Variants in ERBB4 observed in about 807,000 individuals in gnomAD.
The protein encoded by ERBB4 is receptor tyrosine-protein kinase erbB-4.
ERBB4 carries 42 observed loss-of-function variants against 158.0 expected under a neutral mutation model. That is an observed-to-expected ratio of 0.27 (90% CI 0.21 to 0.34). The LOEUF is 0.34. Ranked by LOEUF, ERBB4 falls within the 10% of genes least tolerant of loss-of-function variation. ERBB4 has a pLI of 1.00. For missense variants in ERBB4, 1,333 were observed against 1,624.1 expected, an observed-to-expected ratio of 0.82 and a Z score of 3.08; for synonymous variants, 583 against 558.7, an observed-to-expected ratio of 1.04 and a Z score of -0.61.
chr2:212,127,004 G>C (rs1174512386), intron 1 of ERBB4, among the ~76,000 whole-genome samples: 1 of 152,122 alleles, frequency 6.6e-6, no homozygotes, highest in Admixed American at 6.5e-5. Context: ...TTAAAGTCTG[G>C]ATTTCTAAAG....
At position 212,119,818 on chromosome 2, in the gene ERBB4, G is replaced by A. The variant is rs539111567; in HGVS notation, c.234+4934C>T. Among the ~76,000 whole-genome samples, 13 of 152,222 alleles carry A rather than the reference G, an allele frequency of 8.5e-5. No individual in the cohort carries two copies. The East Asian group carries it at 2.3e-3, about 27-fold the overall frequency. On this transcript the variant is annotated intron_variant, in intron 2 of 27. Coordinates refer to ENST00000342788, the MANE Select transcript of ERBB4 (RefSeq NM_005235.3). Reference sequence around the variant, plus strand: ...GTAATAAAAGCGTCTTGAAAAGAATGCATTTAAAAGCATTTCAACAAAATG... The same window carrying A: ...GTAATAAAAGCGTCTTGAAAAGAATACATTTAAAAGCATTTCAACAAAATG...
intron 19 of ERBB4, among the ~76,000 whole-genome samples, chr2:211,578,137 C>T (rs2067949680): frequency 6.6e-6 from 1 of 152,078 alleles, no homozygotes; most frequent in Non-Finnish European, 1.5e-5. Context: ...GCAAAAGTCA[C>T]AAGCACTCCT....
In ERBB4 at chr2:211,954,678, C is replaced by CT. The variant is rs202065351; in HGVS notation, c.235-7063dup. ...TAAGAGGGGGGGTAATAGAAAGTCC[C>CT]TTCTGCTGGTAATGACTGCAGAATT... On this transcript the variant is annotated intron_variant, in intron 2 of 27. Coordinates refer to ENST00000342788, the MANE Select transcript of ERBB4 (RefSeq NM_005235.3). Among the ~76,000 whole-genome samples, 3 of 152,028 alleles carry CT rather than the reference C, an allele frequency of 2.0e-5. 1 individual carries two copies. In the East Asian group the frequency reaches 5.8e-4, roughly 29 times the overall value.
intron 1 of ERBB4, among the ~76,000 whole-genome samples, chr2:212,291,954 T>A (rs1264431718): frequency 6.6e-6 from 1 of 152,032 alleles, no homozygotes; most frequent in Non-Finnish European, 1.5e-5. Context: ...TTACAATTAA[T>A]CATTACACTA....
At chr2:211,617,814 G>C (rs1295585186) in intron 19 of ERBB4, among the ~76,000 whole-genome samples, 1 of 151,974 alleles carries the variant, frequency 6.6e-6, no homozygotes, top group African/African-American at 2.4e-5. Context: ...GCATATGCTT[G>C]CATCATTTTT....
intron 11 of ERBB4, among the ~76,000 whole-genome samples, chr2:211,703,118 G>GGTGT (rs151014708): frequency 6.6e-6 from 1 of 151,170 alleles, no homozygotes; most frequent in African/African-American, 2.4e-5. Flanking sequence ...TGGTTGTCAG[G>GGTGT]GTGTGTGTGT....
At chr2:211,976,801 A>C (rs2081621146) in intron 2 of ERBB4, among the ~76,000 whole-genome samples, 1 of 152,202 alleles carries the variant, frequency 6.6e-6, no homozygotes, top group Non-Finnish European at 1.5e-5. Context: ...GCTAAGCTAA[A>C]AAGAATTTAA....
intron 1 of ERBB4, among the ~76,000 whole-genome samples, chr2:212,431,994 C>T (rs1505367): frequency 0.17 from 25,492 of 152,210 alleles, 2,465 homozygotes; most frequent in Non-Finnish European, 0.22. Flanking sequence ...AATATAATCT[C>T]TACCAAATCA....
chr2:212,246,233 G>C (rs181426644), intron 1 of ERBB4, among the ~76,000 whole-genome samples: 1 of 152,176 alleles, frequency 6.6e-6, no homozygotes, highest in African/African-American at 2.4e-5. Context: ...ATGCTAATAA[G>C]ACTTTCAGCA....
chr2:211,886,340 T>A (rs570704074), intron 3 of ERBB4, among the ~76,000 whole-genome samples: 10 of 152,180 alleles, frequency 6.6e-5, no homozygotes, highest in Admixed American at 1.3e-4. Flanking sequence ...CAGAAGAACA[T>A]AAATTTGGTT....
chr2:211,503,064 T>C (rs942601481), intron 20 of ERBB4, among the ~76,000 whole-genome samples: 7 of 152,084 alleles, frequency 4.6e-5, no homozygotes, highest in African/African-American at 7.2e-5. Flanking sequence ...AGACTAGACC[T>C]GAGGAATGGA....
At chr2:211,782,367 A>C (rs1192653958) in intron 4 of ERBB4, among the ~76,000 whole-genome samples, 10 of 152,314 alleles carry the variant, frequency 6.6e-5, no homozygotes, top group African/African-American at 2.2e-4. Context: ...AGTGATTAAA[A>C]GCTTGACTGT....
chr2:211,485,278 G>A (rs560905006), intron 20 of ERBB4, among the ~76,000 whole-genome samples: 41 of 152,138 alleles, frequency 2.7e-4, no homozygotes, highest in Non-Finnish European at 5.6e-4. Context: ...AACACAGAAA[G>A]GCATACATAA....
intron 1 of ERBB4, among the ~76,000 whole-genome samples, chr2:212,408,786 C>T (rs2091419783): frequency 6.6e-6 from 1 of 152,138 alleles, no homozygotes; most frequent in Admixed American, 6.6e-5. Context: ...CAGTATGCAG[C>T]ACAGATTGGG....
intron 20 of ERBB4, among the ~76,000 whole-genome samples, chr2:211,436,435 ACTCT>A (rs376045173): frequency 1.3e-4 from 19 of 151,590 alleles, no homozygotes; most frequent in African/African-American, 3.6e-4. Flanking sequence ...AAACTTATTT[ACTCT>A]CTCTGTCATC....
At chr2:211,704,243 A>T in intron 10 of ERBB4, 49 bp from the exon 11 acceptor site, 1 of 1,138,868 alleles carries the variant, frequency 8.8e-7, no homozygotes, top group South Asian at 1.2e-5. Context: ...TTGTCTTAGT[A>T]TTAGTGCTGA....
chr2:211,508,733 T>A (rs1463735412), intron 20 of ERBB4, among the ~76,000 whole-genome samples: 2 of 152,114 alleles, frequency 1.3e-5, no homozygotes, highest in Non-Finnish European at 2.9e-5. Context: ...CTATTTACAA[T>A]TGCAAAGACT....
chr2:211,721,219 G>A (rs2074078854), intron 7 of ERBB4, among the ~76,000 whole-genome samples: 1 of 152,066 alleles, frequency 6.6e-6, no homozygotes, highest in Non-Finnish European at 1.5e-5. Context: ...GTGACAACAT[G>A]TCAGCACTCT....
At chr2:211,632,235 A>C (rs772833728) in intron 16 of ERBB4, among the ~76,000 whole-genome samples, 2 of 152,084 alleles carry the variant, frequency 1.3e-5, no homozygotes, top group Non-Finnish European at 2.9e-5. Flanking sequence ...ATAGTATGGA[A>C]AAAAATTCTT....
Sources: allele counts gnomAD v4.1 joint callset (sites outside exome capture counted in the v4.1 genomes callset), GRCh38; gene constraint gnomAD v4.1.1; transcripts MANE v1.5; gene names NCBI Gene and HGNC (gene_info 2026-07-23, HGNC 2026-07-21).